NTN1: variants seen among roughly 807,000 people sequenced by gnomAD.
The protein encoded by NTN1 is netrin 1, also known as netrin-1.
Under a neutral mutation model 54.2 loss-of-function variants are expected in NTN1, and 11 were observed. That is an observed-to-expected ratio of 0.20 (90% CI 0.13 to 0.34). The LOEUF (loss-of-function observed/expected upper bound fraction) is 0.34. Among genes scored for constraint, NTN1 ranks in the 10% least tolerant of loss-of-function variants. The pLI is 1.00. For missense variants in NTN1, 740 were observed against 893.1 expected (o/e 0.83, Z 2.18); for synonymous variants, 371 against 382.0 (o/e 0.97, Z 0.33).
chr17:9,068,421 G>T (rs1003238491), intron 2 of NTN1, among the ~76,000 whole-genome samples: 3 of 151,934 alleles, frequency 2.0e-5, no homozygotes, highest in African/African-American at 7.3e-5. Flanking sequence ...CTAGGCTCAA[G>T]GGATCCTCCT....
chr17:9,073,899 GT>G (rs1253477566), intron 2 of NTN1, among the ~76,000 whole-genome samples: 3 of 152,206 alleles, frequency 2.0e-5, no homozygotes, highest in African/African-American at 7.2e-5. Context: ...CTTTGTGGCT[GT>G]TTTCCTGGGC....
intron 2 of NTN1, among the ~76,000 whole-genome samples, chr17:9,157,934 A>G (rs1356146047): frequency 6.6e-6 from 1 of 152,202 alleles, no homozygotes; most frequent in Non-Finnish European, 1.5e-5. Context: ...GAAGGCGCAA[A>G]GGATTAAGGT....
At chr17:9,217,206 C>T (rs1409493296) in intron 5 of NTN1, among the ~76,000 whole-genome samples, 1 of 152,158 alleles carries the variant, frequency 6.6e-6, no homozygotes, top group African/African-American at 2.4e-5. Flanking sequence ...CTGTGTCCTC[C>T]TCCCTTTTTT....
chr17:9,116,624 G>T (rs1412320254), intron 2 of NTN1, among the ~76,000 whole-genome samples: 1 of 152,132 alleles, frequency 6.6e-6, no homozygotes, highest in African/African-American at 2.4e-5. Context: ...TGAAAACCAG[G>T]CCCAGAAAAC....
chr17:9,052,420 A>G (rs1294799471), intron 2 of NTN1, among the ~76,000 whole-genome samples: 1 of 152,224 alleles, frequency 6.6e-6, no homozygotes, highest in Non-Finnish European at 1.5e-5. Flanking sequence ...TATGTGCACA[A>G]AAAGGCATGT....
At chr17:9,217,992 T>A (rs965298723) in intron 5 of NTN1, among the ~76,000 whole-genome samples, 1 of 152,208 alleles carries the variant, frequency 6.6e-6, no homozygotes, top group African/African-American at 2.4e-5. Flanking sequence ...TCTCTGGATC[T>A]TTCCTCTGCC....
chr17:9,129,327 T>A (rs988393837), intron 2 of NTN1, among the ~76,000 whole-genome samples: 1 of 151,838 alleles, frequency 6.6e-6, no homozygotes. Flanking sequence ...AGAGCCCAGG[T>A]CCAAGCAGAG....
chr17:9,172,792 A>G (rs1243169410), intron 3 of NTN1: 1 of 150,992 alleles, frequency 6.6e-6, no homozygotes, highest in Admixed American at 6.6e-5. Context: ...CGGGTAGATC[A>G]CCTGAGGTCA....
chr17:9,185,053 T>G (rs138602830), intron 5 of NTN1, among the ~76,000 whole-genome samples: 1 of 152,368 alleles, frequency 6.6e-6, no homozygotes, highest in African/African-American at 2.4e-5. Flanking sequence ...CCTTATAAAA[T>G]ATCTTCCTCA....
At chr17:9,083,437 C>T (rs1385220084) in intron 2 of NTN1, among the ~76,000 whole-genome samples, 1 of 152,234 alleles carries the variant, frequency 6.6e-6, no homozygotes, top group East Asian at 1.9e-4. Context: ...TGATTCCATG[C>T]TCCTTGCCAC....
At chr17:9,123,942 G>A (rs1032850828) in intron 2 of NTN1, among the ~76,000 whole-genome samples, 1 of 152,132 alleles carries the variant, frequency 6.6e-6, no homozygotes. Context: ...TACTGTCCTC[G>A]CTGGTGAGAG....
At chr17:9,049,485 C>T (rs993868546) in intron 2 of NTN1, among the ~76,000 whole-genome samples, 3 of 152,206 alleles carry the variant, frequency 2.0e-5, no homozygotes, top group African/African-American at 7.2e-5. Flanking sequence ...ATAGTGACAT[C>T]ATGTGCCACC....
intron 5 of NTN1, among the ~76,000 whole-genome samples, chr17:9,209,686 C>G: frequency 6.6e-6 from 1 of 152,306 alleles, no homozygotes; most frequent in East Asian, 1.9e-4. Flanking sequence ...CTCTGACCAG[C>G]GAAGCCCCGA....
chr17:9,223,357 G>C (rs1322921352), intron 6 of NTN1, among the ~76,000 whole-genome samples: 3 of 152,126 alleles, frequency 2.0e-5, no homozygotes, highest in African/African-American at 7.2e-5. Context: ...TTTGAGACCA[G>C]CCTGGCCAAC....
intron 2 of NTN1, among the ~76,000 whole-genome samples, chr17:9,115,938 A>AACAAACATG (rs2092210680): frequency 6.6e-6 from 1 of 152,188 alleles, no homozygotes; most frequent in African/African-American, 2.4e-5. Flanking sequence ...CCATAAACAA[A>AACAAACATG]ACAAACATGA....
At chr17:9,097,306 C>A (rs2092135046) in intron 2 of NTN1, among the ~76,000 whole-genome samples, 1 of 152,136 alleles carries the variant, frequency 6.6e-6, no homozygotes, top group African/African-American at 2.4e-5. Context: ...CTATTAAATG[C>A]AGTGTGCTTC....
chr17:9,084,610 T>C (rs999448449), intron 2 of NTN1, among the ~76,000 whole-genome samples: 1 of 151,464 alleles, frequency 6.6e-6, no homozygotes, highest in Non-Finnish European at 1.5e-5. Flanking sequence ...ACAGCCTTCC[T>C]GTGGGCCTCT....
At chr17:9,199,951 G>A (rs1463336300) in intron 5 of NTN1, among the ~76,000 whole-genome samples, 1 of 152,226 alleles carries the variant, frequency 6.6e-6, no homozygotes, top group Admixed American at 6.5e-5. Context: ...TAGCCCCAGG[G>A]TGTGCATTCT....
chr17:9,199,761 A>G (rs740643), intron 5 of NTN1, among the ~76,000 whole-genome samples: 71,933 of 152,210 alleles, frequency 0.47, 18,475 homozygotes, highest in South Asian at 0.6. Context: ...TGGGCGGGGA[A>G]TGGAGTAGTG....
Sources: gnomAD v4.1 joint callset for allele counts (sites outside exome capture counted in the v4.1 genomes callset) on GRCh38, gnomAD v4.1.1 for gene constraint, MANE v1.5 for transcripts, NCBI Gene and HGNC (gene_info 2026-07-23, HGNC 2026-07-21) for gene names.